Variants in NCAM1 observed in about 807,000 individuals in gnomAD.
NCAM1 encodes neural cell adhesion molecule 1, also known as antigen recognized by monoclonal antibody 5.1H11.
Under a neutral mutation model 109.8 loss-of-function variants are expected in NCAM1, and 14 were observed. The ratio of observed to expected loss-of-function variants is 0.13; its 90% CI spans 0.08 to 0.20. The LOEUF (loss-of-function observed/expected upper bound fraction) is 0.20. Ranked by LOEUF, NCAM1 falls within the 10% of genes least tolerant of loss-of-function variation. The pLI, the probability that NCAM1 is intolerant of heterozygous loss-of-function variation, is 1.00. For missense variants in NCAM1, 774 were observed against 1,109.9 expected (o/e 0.70, Z 4.30); for synonymous variants, 418 against 442.9 (o/e 0.94, Z 0.70).
At chr11:113,157,492 G>A (rs1396389125) in intron 1 of NCAM1, among the ~76,000 whole-genome samples, 1 of 152,048 alleles carries the variant, frequency 6.6e-6, no homozygotes, top group African/African-American at 2.4e-5. Context: ...TCAGACAGTG[G>A]CATTAGGTTA....
intron 1 of NCAM1, among the ~76,000 whole-genome samples, chr11:113,151,475 G>A (rs1289311333): frequency 2.6e-5 from 4 of 152,178 alleles, no homozygotes; most frequent in African/African-American, 9.7e-5. Flanking sequence ...ATTAGATATG[G>A]TCAGGAGACA....
intron 17 of NCAM1, chr11:113,265,185 C>T: frequency 1.0e-6 from 1 of 984,558 alleles, no homozygotes. Flanking sequence ...AAGGAAATAA[C>T]AGTTCATGTG....
At chr11:113,272,283 T>C (rs1555125604) in intron 19 of NCAM1, among the ~76,000 whole-genome samples, 1 of 152,154 alleles carries the variant, frequency 6.6e-6, no homozygotes, top group Non-Finnish European at 1.5e-5. Context: ...GGTAAAGTTC[T>C]CTGCCCCTCC....
chr11:112,990,399 G>T (rs573994815), intron 1 of NCAM1, among the ~76,000 whole-genome samples: 1 of 152,176 alleles, frequency 6.6e-6, no homozygotes, highest in Non-Finnish European at 1.5e-5. Flanking sequence ...AGGAAGGCAC[G>T]TCTCCATCTT....
intron 1 of NCAM1, among the ~76,000 whole-genome samples, chr11:113,083,105 C>A (rs1191708650): frequency 6.6e-6 from 1 of 151,452 alleles, no homozygotes; most frequent in East Asian, 1.9e-4. Flanking sequence ...AATTGTTAGA[C>A]CAGTTATTTG....
At chr11:113,150,455 G>A (rs1555102263) in intron 1 of NCAM1, among the ~76,000 whole-genome samples, 1 of 152,168 alleles carries the variant, frequency 6.6e-6, no homozygotes, top group African/African-American at 2.4e-5. Context: ...GGGATTTCCT[G>A]TTGAGAGTAT....
At chr11:113,032,496 G>A (rs548698356) in intron 1 of NCAM1, among the ~76,000 whole-genome samples, 1 of 152,332 alleles carries the variant, frequency 6.6e-6, no homozygotes, top group African/African-American at 2.4e-5. Flanking sequence ...AGGCCTGGAT[G>A]TAGTTTGGGG....
At chr11:113,236,384 T>A in intron 14 of NCAM1, 1 of 1,548,628 alleles carries the variant, frequency 6.5e-7, no homozygotes, top group Non-Finnish European at 8.9e-7. Context: ...AGTTCGTAAT[T>A]TAGTTCTGGT....
At chr11:113,026,810 G>A (rs1952559571) in intron 1 of NCAM1, among the ~76,000 whole-genome samples, 1 of 152,190 alleles carries the variant, frequency 6.6e-6, no homozygotes, top group African/African-American at 2.4e-5. Context: ...GCCATGCTGA[G>A]CTGGACGTTT....
rs78801096 is a variant in NCAM1, at chr11:113,101,742, T to C, written c.53-100637T>C. ...AGTGTTTACATGGTGCTAGACTCTT[T>C]AATAACTCATTTAATCCAAACAGTC... On this transcript the variant is annotated intron_variant, in intron 1 of 19. Coordinates refer to ENST00000316851, the MANE Select transcript of NCAM1 (RefSeq NM_181351.5). Among the ~76,000 whole-genome samples, 730 of 152,346 alleles carry C rather than the reference T, an allele frequency of 4.8e-3. 6 individuals are homozygous for C. The highest frequency in any genetic ancestry group is 0.016 in the African/African-American group (686 of 41,578).
intron 17 of NCAM1, among the ~76,000 whole-genome samples, chr11:113,267,752 G>A (rs1946165280): frequency 6.6e-6 from 1 of 152,168 alleles, no homozygotes; most frequent in South Asian, 2.1e-4. Flanking sequence ...TTCCCTGCCT[G>A]GCCCTCCCCT....
At chr11:113,254,336 A>G (rs1945781467) in intron 15 of NCAM1, among the ~76,000 whole-genome samples, 1 of 152,224 alleles carries the variant, frequency 6.6e-6, no homozygotes. Flanking sequence ...AAGAAAACAA[A>G]TAATAAGCAC....
chr11:113,019,366 G>A (rs1169548504), intron 1 of NCAM1, among the ~76,000 whole-genome samples: 2 of 152,280 alleles, frequency 1.3e-5, no homozygotes, highest in Non-Finnish European at 2.9e-5. Context: ...ATAGCCTTCC[G>A]AGGAGCTCGT....
At chr11:113,156,768 C>T (rs112930695) in intron 1 of NCAM1, among the ~76,000 whole-genome samples, 6 of 152,082 alleles carry the variant, frequency 3.9e-5, no homozygotes, top group African/African-American at 1.4e-4. Flanking sequence ...AGCTGTGTAC[C>T]CTATTCCTCT....
intron 1 of NCAM1, among the ~76,000 whole-genome samples, chr11:113,005,680 G>C (rs1243899900): frequency 6.6e-6 from 1 of 152,152 alleles, no homozygotes; most frequent in Non-Finnish European, 1.5e-5. Context: ...TTGAGATGGA[G>C]ACCTGGCAAC....
At chr11:113,010,581 T>C (rs1298421513) in intron 1 of NCAM1, among the ~76,000 whole-genome samples, 1 of 152,188 alleles carries the variant, frequency 6.6e-6, no homozygotes, top group African/African-American at 2.4e-5. Context: ...ATTGTTCTTA[T>C]AGAAATAATT....
intron 1 of NCAM1, among the ~76,000 whole-genome samples, chr11:113,114,611 T>G (rs1386755530): frequency 1.3e-5 from 2 of 152,206 alleles, no homozygotes; most frequent in African/African-American, 4.8e-5. Context: ...TCTGCACAAG[T>G]GTCCTCTGCA....
chr11:113,265,291 T>A, intron 17 of NCAM1: 1 of 392,848 alleles, frequency 2.5e-6, no homozygotes, highest in Non-Finnish European at 3.5e-6. Context: ...GATAGACTAT[T>A]ACCTAGAGAA....
At chr11:113,042,858 C>G (rs1418080130) in intron 1 of NCAM1, among the ~76,000 whole-genome samples, 1 of 152,172 alleles carries the variant, frequency 6.6e-6, no homozygotes, top group Non-Finnish European at 1.5e-5. Flanking sequence ...TCATAAAGCT[C>G]TCATCCCATC....
Sources: gnomAD v4.1 joint callset for allele counts (sites outside exome capture counted in the v4.1 genomes callset) on GRCh38, gnomAD v4.1.1 for gene constraint, MANE v1.5 for transcripts, NCBI Gene and HGNC (gene_info 2026-07-23, HGNC 2026-07-21) for gene names.